Variants in ITGA1 observed in about 807,000 individuals in gnomAD.
ITGA1 encodes integrin alpha-1.
In ITGA1, 85 loss-of-function variants were observed where a neutral mutation model predicts 145.9. The ratio of observed to expected loss-of-function variants is 0.58; its 90% CI spans 0.49 to 0.70. The LOEUF (loss-of-function observed/expected upper bound fraction) is 0.70. ITGA1 is among the 30% of genes least tolerant of loss of function. The probability of loss-of-function intolerance (pLI) is 0.00; values close to 1 mark genes in which losing one functional copy is unlikely to be tolerated. For missense variants in ITGA1, 1,351 were observed against 1,418.7 expected (o/e 0.95, Z 0.77); for synonymous variants, 520 against 495.3 (o/e 1.05, Z -0.66).
chr5:52,927,240 A>G (rs1264948931), intron 19 of ITGA1, among the ~76,000 whole-genome samples: 3 of 152,200 alleles, frequency 2.0e-5, no homozygotes, highest in African/African-American at 7.2e-5. Flanking sequence ...AATGACTAGC[A>G]TTCACTGAAG....
At chr5:52,870,499 G>C (rs1016429926) in intron 6 of ITGA1, among the ~76,000 whole-genome samples, 2 of 152,188 alleles carry the variant, frequency 1.3e-5, no homozygotes, top group Non-Finnish European at 2.9e-5. Flanking sequence ...ACTCAGAAAG[G>C]CTTCAGTGGG....
At chr5:52,915,399 A>T in intron 14 of ITGA1, 65 bp from the exon 15 acceptor site, 1 of 1,506,034 alleles carries the variant, frequency 6.6e-7, no homozygotes, top group Non-Finnish European at 9.1e-7. Flanking sequence ...AAATTCTCAG[A>T]TTTATTTGAA....
intron 1 of ITGA1, among the ~76,000 whole-genome samples, chr5:52,834,770 A>G (rs1342768460): frequency 6.6e-6 from 1 of 152,022 alleles, no homozygotes; most frequent in Non-Finnish European, 1.5e-5. Context: ...TATAAGGACA[A>G]TGGTCCTATC....
intron 6 of ITGA1, among the ~76,000 whole-genome samples, chr5:52,869,903 A>C (rs939147012): frequency 1.3e-5 from 2 of 152,132 alleles, no homozygotes; most frequent in African/African-American, 4.8e-5. Flanking sequence ...AAGAGATTGG[A>C]AAGGACATAT....
At chr5:52,910,663 GTA>G (rs576097117) in intron 14 of ITGA1, among the ~76,000 whole-genome samples, 83 of 145,076 alleles carry the variant, frequency 5.7e-4, no homozygotes, top group South Asian at 1.3e-3. Flanking sequence ...TGTGTATATA[GTA>G]TATATATATA....
chr5:52,827,089 C>CTT lies in ITGA1; in HGVS notation c.62-22257_62-22256dup, dbSNP rs201041439. Among the ~76,000 whole-genome samples the CTT allele has an allele frequency of 8.9e-5, 12 of 134,846 alleles. No homozygotes were observed. The South Asian group carries it at 1.6e-3, about 18-fold the overall frequency. 88.5% of individuals were successfully genotyped at this position (134,846 alleles called of 152,430 possible). A position where few individuals can be genotyped will look rare whatever the true frequency, so the allele number is the denominator to read the frequency against. On this transcript the variant is annotated intron_variant, in intron 1 of 28. Coordinates refer to ENST00000282588, the MANE Select transcript of ITGA1 (RefSeq NM_181501.2). ...TTACCATTATAGATGCCATTAAGAA[C>CTT]TTTTTTTTTTTTTTTTTTTTGGTTT...
rs1430241519 is a variant in ITGA1, at chr5:52,895,855, CTATT to C, written c.1091-1598_1091-1595del. Among the ~76,000 whole-genome samples, 11 of 152,214 alleles carry C rather than the reference CTATT, an allele frequency of 7.2e-5. No homozygotes were observed. The East Asian group carries it at 1.9e-3, about 27-fold the overall frequency. Reference sequence around the variant, plus strand: ...CACCAAAAGCAGTGTTTTGACTAGACTATTTCTTATTTTTTTCATGAGATATTTA... The same window carrying C: ...CACCAAAAGCAGTGTTTTGACTAGACTCTTATTTTTTTCATGAGATATTTA... On this transcript the variant is annotated intron_variant, in intron 9 of 28. Transcript: ENST00000282588.
chr5:52,825,873 A>G (rs1748952639), intron 1 of ITGA1, among the ~76,000 whole-genome samples: 1 of 151,392 alleles, frequency 6.6e-6, no homozygotes, highest in South Asian at 2.1e-4. Flanking sequence ...AGCTGAGATC[A>G]TGCTACTGCA....
chr5:52,900,274 T>A (rs1428211262), intron 11 of ITGA1, among the ~76,000 whole-genome samples: 1 of 152,206 alleles, frequency 6.6e-6, no homozygotes, highest in East Asian at 1.9e-4. Flanking sequence ...TTCTGTTATA[T>A]GTAGAATAAA....
intron 6 of ITGA1, among the ~76,000 whole-genome samples, chr5:52,867,481 G>A (rs1009396769): frequency 7.2e-5 from 11 of 152,148 alleles, no homozygotes; most frequent in Non-Finnish European, 1.3e-4. Flanking sequence ...ATTACTAGTG[G>A]ATGGTAGGGG....
At chr5:52,912,961 T>A (rs1750590705) in intron 14 of ITGA1, among the ~76,000 whole-genome samples, 1 of 152,044 alleles carries the variant, frequency 6.6e-6, no homozygotes, top group African/African-American at 2.4e-5. Context: ...TTAGCCAGGA[T>A]GGTTTTGATC....
intron 2 of ITGA1, among the ~76,000 whole-genome samples, chr5:52,855,399 C>A (rs897800329): frequency 3.9e-5 from 6 of 152,124 alleles, no homozygotes; most frequent in Non-Finnish European, 4.4e-5. Flanking sequence ...AGTATAAATT[C>A]TCAGGTCTGC....
rs1447210749 is a variant in ITGA1 at position 52,788,162 on chromosome 5, G to A, written c.-192G>A. 6.6e-6 allele frequency: 3 copies of A among 457,784 alleles called. No homozygotes were observed. Among genetic ancestry groups the A allele is most frequent in the Non-Finnish European group, 1.2e-5 (3 of 257,594 alleles). The allele number at this position is 457,784 out of a possible 1,614,324, so 28.4% of individuals were successfully genotyped here. A position where few individuals can be genotyped will look rare whatever the true frequency, so the allele number is the denominator to read the frequency against. On this transcript the variant is annotated 5_prime_UTR_variant, in exon 1 of 29. Transcript: ENST00000282588. ...ATCCGTCTGGGATGTGAAAAGCGTG[G>A]AGCGCATTTAGAGGAATTCGACGAA...
chr5:52,828,719 C>T (rs1749008371), intron 1 of ITGA1, among the ~76,000 whole-genome samples: 1 of 152,160 alleles, frequency 6.6e-6, no homozygotes, highest in Admixed American at 6.6e-5. Context: ...TTAGTACAAA[C>T]ATTAGTGGCT....
chr5:52,805,635 G>A (rs1748577007), intron 1 of ITGA1, among the ~76,000 whole-genome samples: 1 of 152,148 alleles, frequency 6.6e-6, no homozygotes, highest in Admixed American at 6.5e-5. Context: ...GTTTTATGCA[G>A]TGGTGGTTAA....
At chr5:52,819,537 C>G (rs890953158) in intron 1 of ITGA1, among the ~76,000 whole-genome samples, 5 of 151,824 alleles carry the variant, frequency 3.3e-5, no homozygotes, top group African/African-American at 1.2e-4. Flanking sequence ...ATTATAGATT[C>G]TGGATATTAG....
At chr5:52,945,676 C>G in intron 27 of ITGA1, among the ~76,000 whole-genome samples, 1 of 152,190 alleles carries the variant, frequency 6.6e-6, no homozygotes, top group East Asian at 1.9e-4. Flanking sequence ...GGCACTTCAG[C>G]ATGATCTCCC....
intron 20 of ITGA1, among the ~76,000 whole-genome samples, chr5:52,928,052 C>A (rs1750839843): frequency 1.3e-5 from 2 of 152,106 alleles, no homozygotes; most frequent in Non-Finnish European, 2.9e-5. Flanking sequence ...TCTGTTGGTG[C>A]CTTGATCTTG....
chr5:52,914,435 G>A (rs1205056621), intron 14 of ITGA1, among the ~76,000 whole-genome samples: 2 of 151,980 alleles, frequency 1.3e-5, no homozygotes, highest in African/African-American at 2.4e-5. Context: ...CCAGGAGTTC[G>A]AGACCAGCCT....
Sources: allele counts gnomAD v4.1 joint callset (sites outside exome capture counted in the v4.1 genomes callset), GRCh38; gene constraint gnomAD v4.1.1; transcripts MANE v1.5; gene names NCBI Gene and HGNC (gene_info 2026-07-23, HGNC 2026-07-21).